The following CCNT1 variants were observed in gnomAD, a reference collection of about 807,000 sequenced individuals.
CCNT1 encodes the protein cyclin-T1.
Under a neutral mutation model 67.3 loss-of-function variants are expected in CCNT1, and 18 were observed. The ratio of observed to expected loss-of-function variants is 0.27; its 90% confidence interval spans 0.18 to 0.40. CCNT1 has a LOEUF of 0.40. Among genes scored for constraint, CCNT1 ranks in the 10% least tolerant of loss-of-function variants. The pLI, the probability that CCNT1 is intolerant of heterozygous loss-of-function variation, is 1.00. For synonymous variants in CCNT1, 333 were observed against 310.3 expected (o/e 1.07, Z -0.77); for missense variants, 744 against 884.9 (o/e 0.84, Z 2.02).
chr12:48,697,939 A>C (rs2137228378), intron 6 of CCNT1, 199 bp downstream of exon 6: 1 of 370,968 alleles, frequency 2.7e-6, no homozygotes, highest in South Asian at 8.8e-5. Flanking sequence ...TGCAGAACTG[A>C]GTAGGTTATC....
intron 2 of CCNT1, among the ~76,000 whole-genome samples, chr12:48,711,139 T>A (rs1421201872): frequency 6.6e-6 from 1 of 151,904 alleles, no homozygotes; most frequent in African/African-American, 2.4e-5. Context: ...CCCAGCACTC[T>A]GGAAGGATGA....
At chr12:48,710,223 C>A (rs940799466) in intron 2 of CCNT1, among the ~76,000 whole-genome samples, 1 of 152,064 alleles carries the variant, frequency 6.6e-6, no homozygotes, top group Admixed American at 6.6e-5. Flanking sequence ...AAAACACACA[C>A]ACACATACAA....
At chr12:48,694,779 A>T (rs1423628156) in intron 8 of CCNT1, among the ~76,000 whole-genome samples, 5 of 152,210 alleles carry the variant, frequency 3.3e-5, no homozygotes, top group Non-Finnish European at 7.3e-5. Flanking sequence ...CTAAAGTAAA[A>T]GATGTGCTCT....
At chr12:48,713,086 AC>A (rs1462145915) in intron 2 of CCNT1, among the ~76,000 whole-genome samples, 7 of 152,200 alleles carry the variant, frequency 4.6e-5, no homozygotes, top group South Asian at 2.1e-4. Flanking sequence ...GTTAAATAGG[AC>A]CATTTCAAAT....
At chr12:48,703,411 T>A (rs1565618851) in intron 3 of CCNT1, among the ~76,000 whole-genome samples, 1 of 151,004 alleles carries the variant, frequency 6.6e-6, no homozygotes, top group Non-Finnish European at 1.5e-5. Context: ...CCGTTTCAAC[T>A]AAAAATACAA....
At chr12:48,697,647 C>G (rs1398836610) in intron 6 of CCNT1, among the ~76,000 whole-genome samples, 1 of 146,914 alleles carries the variant, frequency 6.8e-6, no homozygotes, top group Non-Finnish European at 1.5e-5. Context: ...GGTAAAACCC[C>G]ATCTCTACTA....
rs533998630 is a variant in CCNT1 at position 48,716,419 on chromosome 12, C to G, written c.161+96G>C. 3 of 1,177,682 alleles carry G rather than the reference C, an allele frequency of 2.5e-6. No individual in the cohort carries two copies. In the East Asian group the frequency reaches 7.5e-5, roughly 30 times the overall value. The allele number at this position is 1,177,682 out of a possible 1,614,324, so 73.0% of individuals were successfully genotyped here. On this transcript the variant is annotated intron_variant, in intron 1 of 8. Transcript: ENST00000261900. ...TAGACATCCAGCTTCTGCCCACCTT[C>G]TTCCCCACTTTCGTCCCCCCCACAG...
chr12:48,692,782 T>G lies in CCNT1; in HGVS notation c.*251A>C. On this transcript the variant is annotated 3_prime_UTR_variant, in exon 9 of 9. Coordinates refer to ENST00000261900, the MANE Select transcript of CCNT1 (RefSeq NM_001240.4). ...TGGTGGAGAGGCCAAGAATTCAGAA[T>G]GTGTCCTTAATCCTTCACAGCTTCA... 2.8e-6 allele frequency: 1 copy of G among 362,700 alleles called. No individual in the cohort carries two copies. The highest frequency in any genetic ancestry group is 5.0e-6 in the Non-Finnish European group (1 of 200,394). 22.5% of individuals were successfully genotyped at this position (362,700 alleles called of 1,614,324 possible). A position where few individuals can be genotyped will look rare whatever the true frequency, so the allele number is the denominator to read the frequency against.
At chr12:48,716,366 A>T in intron 1 of CCNT1, 149 bp downstream of exon 1, 2 of 703,672 alleles carry the variant, frequency 2.8e-6, no homozygotes, top group Non-Finnish European at 4.7e-6. Context: ...ACTGAGTTTC[A>T]GCCCGCCCCA....
chr12:48,694,936 G>T (rs1180140652), intron 8 of CCNT1, among the ~76,000 whole-genome samples: 3 of 152,172 alleles, frequency 2.0e-5, no homozygotes, highest in Non-Finnish European at 4.4e-5. Context: ...CGATTCTCCT[G>T]TCTCAGCCTC....
intron 1 of CCNT1, 83 bp downstream of exon 1, chr12:48,716,432 G>C: frequency 7.8e-7 from 1 of 1,280,478 alleles, no homozygotes; most frequent in Non-Finnish European, 1.1e-6. Context: ...CCCCACTTTC[G>C]TCCCCCCCAC....
chr12:48,702,376 T>G (rs1286250736), intron 3 of CCNT1, among the ~76,000 whole-genome samples: 1 of 152,212 alleles, frequency 6.6e-6, no homozygotes, highest in East Asian at 1.9e-4. Flanking sequence ...TCACTCAGAT[T>G]TGTGCCAGCC....
intron 3 of CCNT1, among the ~76,000 whole-genome samples, chr12:48,703,021 T>C (rs908413588): frequency 4.0e-5 from 6 of 151,762 alleles, no homozygotes; most frequent in African/African-American, 9.7e-5. Flanking sequence ...CTTGGGAGGC[T>C]GAGGTGAAAT....
In CCNT1 at chr12:48,693,427, T is replaced by C; in HGVS notation, c.1787A>G (p.Lys596Arg). The C allele has an allele frequency of 6.2e-7, 1 of 1,614,230 alleles. No homozygotes were observed. The highest frequency in any genetic ancestry group is 8.5e-7 in the Non-Finnish European group (1 of 1,180,040). Reference sequence around the variant, plus strand: ...GAAGGAGAAATTTAGGGAAGAGGATTTAGTACTCTTGGCAATCTTGGCTGG... The same window carrying C: ...GAAGGAGAAATTTAGGGAAGAGGATCTAGTACTCTTGGCAATCTTGGCTGG... ...DHPAKIAKST[K>R]SSSLNFSFPS... Residue 596 changes from lysine (K) to arginine (R), a missense_variant, in exon 9 of 9, where the codon AAA (lysine) becomes AGA (arginine). Around this residue, in one of 3 missense-constraint regions of CCNT1, gnomAD observed 564 missense variants for 574.2 expected, o/e 0.98. Coordinates refer to ENST00000261900, the MANE Select transcript of CCNT1 (RefSeq NM_001240.4).
At chr12:48,702,250 A>G (rs1940282902) in intron 3 of CCNT1, among the ~76,000 whole-genome samples, 1 of 152,248 alleles carries the variant, frequency 6.6e-6, no homozygotes, top group African/African-American at 2.4e-5. Flanking sequence ...ACCTTCCTAC[A>G]GTACTGTAAG....
intron 3 of CCNT1, among the ~76,000 whole-genome samples, chr12:48,703,991 G>A (rs561707289): frequency 6.6e-6 from 1 of 151,634 alleles, no homozygotes; most frequent in South Asian, 2.1e-4. Context: ...AAATTATCTA[G>A]ACTTCTTCAT....
In CCNT1 at chr12:48,692,487, C is replaced by T. The variant is rs1383475405; in HGVS notation, c.*546G>A. The T allele has an allele frequency of 6.6e-6, 1 of 150,428 alleles. No individual in the cohort carries two copies. Among genetic ancestry groups the T allele is most frequent in the Non-Finnish European group, 1.5e-5 (1 of 67,752 alleles). The allele number at this position is 150,428 out of a possible 1,614,324, so 9.3% of individuals were successfully genotyped here. ...TCCCACCCACCCTCACACATTCCCA[C>T]CCTCCAATCCCACCCACCAGGAGTT... On this transcript the variant is annotated 3_prime_UTR_variant, in exon 9 of 9. Transcript: ENST00000261900.
intron 4 of CCNT1, among the ~76,000 whole-genome samples, chr12:48,700,408 A>G (rs1356300556): frequency 6.6e-6 from 1 of 151,956 alleles, no homozygotes; most frequent in African/African-American, 2.4e-5. Context: ...TATATGTACA[A>G]AAAAAATTGT....
chr12:48,698,291 A>G, intron 5 of CCNT1, 108 bp from the exon 6 acceptor site: 3 of 735,944 alleles, frequency 4.1e-6, no homozygotes, highest in Non-Finnish European at 6.6e-6. Flanking sequence ...GGTACTGTGA[A>G]TATAGTGGCA....
Sources: allele counts gnomAD v4.1 joint callset (sites outside exome capture counted in the v4.1 genomes callset), GRCh38; gene constraint gnomAD v4.1.1; regional missense constraint gnomAD v4.1.1; transcripts MANE v1.5; gene names NCBI Gene and HGNC (gene_info 2026-07-23, HGNC 2026-07-21).